Variants in CHCHD6 observed in about 807,000 individuals in gnomAD.
CHCHD6 encodes the protein MICOS complex subunit MIC25.
A neutral mutation model predicts 32.3 loss-of-function variants in CHCHD6; 28 were observed. The ratio of observed to expected loss-of-function variants is 0.87; its 90% CI spans 0.64 to 1.19. The LOEUF is 1.19. Ranked by LOEUF, CHCHD6 falls within the 50% of genes most tolerant of loss-of-function variation. CHCHD6 has a pLI of 0.00. For missense variants in CHCHD6, 333 were observed against 307.0 expected (o/e 1.08, Z -0.63); for synonymous variants, 122 against 117.5 (o/e 1.04, Z -0.25).
At chr3:126,781,693 G>A (rs1242068154) in intron 4 of CHCHD6, among the ~76,000 whole-genome samples, 1 of 152,156 alleles carries the variant, frequency 6.6e-6, no homozygotes, top group East Asian at 1.9e-4. Flanking sequence ...AGTGTTCTGC[G>A]CCCATGCTGA....
intron 1 of CHCHD6, among the ~76,000 whole-genome samples, chr3:126,722,121 T>C (rs1935329322): frequency 6.6e-6 from 1 of 152,226 alleles, no homozygotes; most frequent in Non-Finnish European, 1.5e-5. Context: ...TAACTCTCCA[T>C]ATCCTCGCAA....
In CHCHD6 at chr3:126,960,291, T is replaced by G; in HGVS notation, c.*90T>G. 1 of 1,476,146 alleles carries G rather than the reference T, an allele frequency of 6.8e-7. No homozygotes were observed. Among genetic ancestry groups the G allele is most frequent in the Non-Finnish European group, 9.2e-7 (1 of 1,081,702 alleles). The allele number at this position is 1,476,146 out of a possible 1,614,324, so 91.4% of individuals were successfully genotyped here. On this transcript the variant is annotated 3_prime_UTR_variant, in exon 8 of 8. Transcript: ENST00000290913. ...ACCACAGCCACTGTGCCCTGCCGTTTCCTGCTGGGCCCCTGCATATGCCCC... is the reference window on the plus strand; with the variant it reads ...ACCACAGCCACTGTGCCCTGCCGTTGCCTGCTGGGCCCCTGCATATGCCCC...
At chr3:126,758,357 A>G (rs1937040793) in intron 4 of CHCHD6, among the ~76,000 whole-genome samples, 3 of 152,186 alleles carry the variant, frequency 2.0e-5, no homozygotes, top group Admixed American at 6.5e-5. Context: ...AATTATGTAA[A>G]TGGCATTACA....
intron 4 of CHCHD6, 85 bp downstream of exon 4, chr3:126,733,307 C>A: frequency 1.5e-6 from 2 of 1,325,740 alleles, no homozygotes; most frequent in South Asian, 1.4e-5. Context: ...CCTGGTTAGT[C>A]TGAAGCCCTG....
chr3:126,832,916 G>A (rs1940701445), intron 4 of CHCHD6, among the ~76,000 whole-genome samples: 1 of 152,154 alleles, frequency 6.6e-6, no homozygotes, highest in Non-Finnish European at 1.5e-5. Flanking sequence ...GGGTGGGGAG[G>A]ACCTCACATT....
chr3:126,944,113 T>C (rs1456097590), intron 6 of CHCHD6, among the ~76,000 whole-genome samples: 1 of 151,772 alleles, frequency 6.6e-6, no homozygotes, highest in Non-Finnish European at 1.5e-5. Context: ...GAGAAGGAGG[T>C]AGGTTACAGA....
intron 4 of CHCHD6, among the ~76,000 whole-genome samples, chr3:126,843,370 C>A (rs529191395): frequency 6.6e-6 from 1 of 152,232 alleles, no homozygotes. Context: ...ATCATTATAG[C>A]AGCCTCATAA....
chr3:126,851,763 A>G (rs914414593), intron 4 of CHCHD6, among the ~76,000 whole-genome samples: 2 of 152,164 alleles, frequency 1.3e-5, no homozygotes, highest in African/African-American at 2.4e-5. Flanking sequence ...GTGACCCTTT[A>G]TGGAGGTCTA....
At chr3:126,887,083 G>A (rs1041345584) in intron 5 of CHCHD6, among the ~76,000 whole-genome samples, 5 of 152,108 alleles carry the variant, frequency 3.3e-5, no homozygotes, top group African/African-American at 1.2e-4. Flanking sequence ...TTTTGTATCT[G>A]TGCTGTGTGT....
chr3:126,844,866 G>C (rs1576485426), intron 4 of CHCHD6, among the ~76,000 whole-genome samples: 2 of 152,300 alleles, frequency 1.3e-5, no homozygotes, highest in South Asian at 2.1e-4. Flanking sequence ...AGACAGAAAA[G>C]AAGATATGAT....
chr3:126,812,227 G>A (rs1357528638), intron 4 of CHCHD6, among the ~76,000 whole-genome samples: 1 of 150,822 alleles, frequency 6.6e-6, no homozygotes, highest in East Asian at 1.9e-4. Flanking sequence ...TTTTCTGAGG[G>A]CCTCAACATG....
chr3:126,815,655 C>A lies in CHCHD6; in HGVS notation c.412-36992C>A, dbSNP rs373060984. 3.8e-4 allele frequency among the ~76,000 whole-genome samples: 56 copies of A among 147,488 alleles called. 3 individuals carry two copies. The highest frequency in any genetic ancestry group is 1.2e-3 in the African/African-American group (49 of 40,478). On this transcript the variant is annotated intron_variant, in intron 4 of 7. Coordinates refer to ENST00000290913, the MANE Select transcript of CHCHD6 (RefSeq NM_032343.3). ...CCTGTGGGTTCTTGCCCCCCCCCCC[C>A]CATCTGTGTCCACAGCCCTTGCTCC...
At chr3:126,826,241 G>A (rs566173168) in intron 4 of CHCHD6, among the ~76,000 whole-genome samples, 1 of 152,326 alleles carries the variant, frequency 6.6e-6, no homozygotes, top group South Asian at 2.1e-4. Context: ...GGCTTAGAAA[G>A]GCTGATGTGA....
intron 4 of CHCHD6, among the ~76,000 whole-genome samples, chr3:126,790,940 C>A (rs1354550790): frequency 6.6e-6 from 1 of 152,082 alleles, no homozygotes. Context: ...TGTTTTTTCC[C>A]CATTTTTGTG....
At chr3:126,708,768 C>T (rs1934622158) in intron 1 of CHCHD6, among the ~76,000 whole-genome samples, 2 of 151,998 alleles carry the variant, frequency 1.3e-5, no homozygotes, top group South Asian at 4.1e-4. Flanking sequence ...CACCACAATC[C>T]AATTATAGAA....
intron 1 of CHCHD6, among the ~76,000 whole-genome samples, chr3:126,713,530 C>A (rs76335185): frequency 0.091 from 13,878 of 152,276 alleles, 733 homozygotes; most frequent in Admixed American, 0.16. Flanking sequence ...GCCTGTGATT[C>A]TCCTCCTTTG....
intron 4 of CHCHD6, among the ~76,000 whole-genome samples, chr3:126,754,483 C>A (rs1167750606): frequency 6.6e-6 from 1 of 152,214 alleles, no homozygotes; most frequent in South Asian, 2.1e-4. Context: ...TGTGCCAGAA[C>A]ACCCAGTGGC....
intron 5 of CHCHD6, among the ~76,000 whole-genome samples, chr3:126,868,946 C>A (rs1559893444): frequency 1.3e-5 from 2 of 152,204 alleles, no homozygotes; most frequent in African/African-American, 4.8e-5. Context: ...AGCTCTCACT[C>A]CACCGGTGGC....
intron 1 of CHCHD6, among the ~76,000 whole-genome samples, chr3:126,714,179 C>A (rs1363015565): frequency 6.6e-6 from 1 of 150,498 alleles, no homozygotes; most frequent in Non-Finnish European, 1.5e-5. Context: ...TCTTGTGTGA[C>A]AACACTTTGC....
Sources: gnomAD v4.1 joint callset for allele counts (sites outside exome capture counted in the v4.1 genomes callset) on GRCh38, gnomAD v4.1.1 for gene constraint, MANE v1.5 for transcripts, NCBI Gene and HGNC (gene_info 2026-07-23, HGNC 2026-07-21) for gene names.